Variants in CDH23 observed in about 807,000 individuals in gnomAD.
The protein encoded by CDH23 is cadherin-23.
CDH23 carries 189 observed loss-of-function variants against 317.1 expected under a neutral mutation model. That is an observed-to-expected ratio of 0.60 (90% CI 0.53 to 0.67). The LOEUF is 0.67. Among genes scored for constraint, CDH23 ranks in the 30% least tolerant of loss-of-function variants. CDH23 has a pLI of 0.00. For synonymous variants in CDH23, 1,839 were observed against 1,876.8 expected (o/e 0.98, Z 0.52); for missense variants, 4,401 against 4,592.4 (o/e 0.96, Z 1.20).
intron 14 of CDH23, among the ~76,000 whole-genome samples, chr10:71,667,073 C>T (rs1024019990): frequency 6.6e-6 from 1 of 152,254 alleles, no homozygotes; most frequent in African/African-American, 2.4e-5. Context: ...AACTCCTCAC[C>T]GGCACCGGCC....
At chr10:71,427,228 A>AGAAAGG (rs1554823344) in intron 1 of CDH23, among the ~76,000 whole-genome samples, 2 of 81,118 alleles carry the variant, frequency 2.5e-5, no homozygotes, top group African/African-American at 1.0e-4. Flanking sequence ...AAAGAAAGAA[A>AGAAAGG]GAAAGAAAGA....
intron 10 of CDH23, among the ~76,000 whole-genome samples, chr10:71,615,913 C>G (rs1861163305): frequency 6.6e-6 from 1 of 152,230 alleles, no homozygotes; most frequent in Non-Finnish European, 1.5e-5. Context: ...TCCTGTGGTC[C>G]TTCCTTACTG....
At chr10:71,552,368 C>T (rs988579316) in intron 6 of CDH23, among the ~76,000 whole-genome samples, 4 of 152,226 alleles carry the variant, frequency 2.6e-5, no homozygotes, top group Non-Finnish European at 4.4e-5. Context: ...GTGCCCTTGA[C>T]TCTCAGAAAG....
At chr10:71,403,053 C>T (rs957094989) in intron 1 of CDH23, among the ~76,000 whole-genome samples, 7 of 151,988 alleles carry the variant, frequency 4.6e-5, no homozygotes, top group African/African-American at 1.5e-4. Flanking sequence ...ACCCAGGAGG[C>T]GGAGCTTGCA....
At chr10:71,493,545 A>C (rs955871047) in intron 3 of CDH23, among the ~76,000 whole-genome samples, 3 of 152,094 alleles carry the variant, frequency 2.0e-5, no homozygotes, top group African/African-American at 7.2e-5. Context: ...CCCAGTTATT[A>C]TTTCCCATTC....
Position 71,725,557 on chromosome 10 carries a change from A to T in CDH23, c.3579+37A>T, listed in dbSNP as rs953098319. The T allele has an allele frequency of 2.1e-5, 33 of 1,598,008 alleles. No individual in the cohort carries two copies. In the Admixed American group the frequency reaches 4.3e-4, roughly 21 times the overall value. Reference sequence around the variant, plus strand: ...GGCGGGCTGGGGTGCTGACCTCAGGACGGGGCCAAGCCCACAGCTAGAACA... The same window carrying T: ...GGCGGGCTGGGGTGCTGACCTCAGGTCGGGGCCAAGCCCACAGCTAGAACA... On this transcript the variant is annotated intron_variant, in intron 30 of 69. Transcript: ENST00000224721.
At chr10:71,543,764 C>T (rs1187777896) in intron 6 of CDH23, among the ~76,000 whole-genome samples, 1 of 152,202 alleles carries the variant, frequency 6.6e-6, no homozygotes. Context: ...CTCCCAGCAC[C>T]CTCTTACCAG....
chr10:71,481,834 C>G (rs939459642), intron 3 of CDH23, among the ~76,000 whole-genome samples: 2 of 152,202 alleles, frequency 1.3e-5, no homozygotes, highest in African/African-American at 4.8e-5. Context: ...TGGGGCAGCC[C>G]TGAGTCTCGC....
chr10:71,500,458 G>A (rs2132166215), intron 3 of CDH23, among the ~76,000 whole-genome samples: 1 of 152,314 alleles, frequency 6.6e-6, no homozygotes, highest in South Asian at 2.1e-4. Flanking sequence ...ACTCTCAGGA[G>A]GGAATGGCCG....
Position 71,815,638 on chromosome 10 carries a change from G to A in CDH23, c.*360G>A, listed in dbSNP as rs556387415. On this transcript the variant is annotated 3_prime_UTR_variant, in exon 70 of 70. Coordinates refer to ENST00000224721, the MANE Select transcript of CDH23 (RefSeq NM_022124.6). ...CCCTCCTCCCTCCCAGCTCCACCCC[G>A]CAAGCACCATCCCCTCCGGCTAAGC... The A allele has an allele frequency of 4.7e-5, 9 of 192,052 alleles. No individual in the cohort carries two copies. The highest frequency in any genetic ancestry group is 2.0e-3 in the Middle Eastern group (1 of 502). 11.9% of individuals were successfully genotyped at this position (192,052 alleles called of 1,614,324 possible).
At chr10:71,537,279 C>G (rs761790107) in intron 6 of CDH23, among the ~76,000 whole-genome samples, 2 of 152,056 alleles carry the variant, frequency 1.3e-5, no homozygotes, top group Admixed American at 6.6e-5. Flanking sequence ...GTTTCGGAGC[C>G]AAATCATAAC....
intron 3 of CDH23, among the ~76,000 whole-genome samples, chr10:71,477,971 A>T (rs1293149201): frequency 6.6e-6 from 1 of 152,106 alleles, no homozygotes; most frequent in Admixed American, 6.5e-5. Flanking sequence ...TTCTCCACAC[A>T]GTACCCCAGG....
intron 3 of CDH23, among the ~76,000 whole-genome samples, chr10:71,451,442 C>G (rs1013987528): frequency 1.3e-5 from 2 of 152,210 alleles, no homozygotes; most frequent in African/African-American, 4.8e-5. Flanking sequence ...ACCTCGCCCC[C>G]ACCCCGCTAT....
intron 38 of CDH23, among the ~76,000 whole-genome samples, chr10:71,746,504 C>T (rs75036980): frequency 0.012 from 1,838 of 152,312 alleles, 32 homozygotes; most frequent in African/African-American, 0.042. Context: ...TGCCACTGGC[C>T]GGGGGAGTCA....
At chr10:71,660,567 G>C (rs1863606269) in intron 14 of CDH23, among the ~76,000 whole-genome samples, 1 of 152,140 alleles carries the variant, frequency 6.6e-6, no homozygotes, top group South Asian at 2.1e-4. Context: ...GATACCTCCT[G>C]GAAGTGCTTT....
chr10:71,674,707 GTT>G (rs1012218573), intron 14 of CDH23, among the ~76,000 whole-genome samples: 66 of 152,310 alleles, frequency 4.3e-4, no homozygotes, highest in African/African-American at 1.6e-3. Context: ...TGGATTATGT[GTT>G]TCATAAGTAA....
At chr10:71,478,430 C>T (rs976801065) in intron 3 of CDH23, among the ~76,000 whole-genome samples, 2 of 152,204 alleles carry the variant, frequency 1.3e-5, no homozygotes, top group African/African-American at 4.8e-5. Flanking sequence ...GCCTTCTCAT[C>T]CTTCAAGGTC....
chr10:71,756,342 C>T (rs1840147078), intron 38 of CDH23, among the ~76,000 whole-genome samples: 1 of 152,154 alleles, frequency 6.6e-6, no homozygotes, highest in Admixed American at 6.5e-5. Context: ...ATCTCTCTGT[C>T]TCCCCTGCCT....
intron 25 of CDH23, 128 bp from the exon 26 acceptor site, chr10:71,706,769 C>G (rs1589355503): frequency 1.4e-6 from 2 of 1,441,026 alleles, no homozygotes; most frequent in Admixed American, 4.4e-5. Flanking sequence ...GACACAGATG[C>G]CACTTGGAGC....
Sources: gnomAD v4.1 joint callset for allele counts (sites outside exome capture counted in the v4.1 genomes callset) on GRCh38, gnomAD v4.1.1 for gene constraint, MANE v1.5 for transcripts, NCBI Gene and HGNC (gene_info 2026-07-23, HGNC 2026-07-21) for gene names.